GABRA1: variants seen among roughly 807,000 people sequenced by gnomAD.
GABRA1 encodes the protein gamma-aminobutyric acid type A receptor subunit alpha1, also known as gamma-aminobutyric acid receptor subunit alpha-1.
In GABRA1, 9 loss-of-function variants were observed where a neutral mutation model predicts 48.9. The observed-to-expected ratio is 0.18, with a 90% CI of 0.11 to 0.32. GABRA1 has a LOEUF of 0.32. Among genes scored for constraint, GABRA1 ranks in the 10% least tolerant of loss-of-function variants. GABRA1 has a pLI of 1.00. For missense variants in GABRA1, 285 were observed against 553.8 expected, an observed-to-expected ratio of 0.51 and a Z score of 4.87; for synonymous variants, 210 against 198.7, an observed-to-expected ratio of 1.06 and a Z score of -0.48.
At chr5:161,894,260 G>T (rs1755260344) in intron 8 of GABRA1, among the ~76,000 whole-genome samples, 1 of 152,114 alleles carries the variant, frequency 6.6e-6, no homozygotes, top group Non-Finnish European at 1.5e-5. Flanking sequence ...GTGATTTTAA[G>T]TCAATTTTCT....
intron 3 of GABRA1, among the ~76,000 whole-genome samples, chr5:161,858,076 C>A (rs144233388): frequency 2.0e-4 from 30 of 151,196 alleles, no homozygotes; most frequent in African/African-American, 6.8e-4. Flanking sequence ...AAGAGCAAAA[C>A]AGAGGAAATG....
chr5:161,860,156 C>T (rs922504466), intron 3 of GABRA1, among the ~76,000 whole-genome samples: 2 of 151,804 alleles, frequency 1.3e-5, no homozygotes, highest in Non-Finnish European at 2.9e-5. Context: ...CATTTACTGG[C>T]TGAGGTCTAC....
chr5:161,882,491 G>T, intron 6 of GABRA1, 67 bp from the exon 7 acceptor site: 2 of 1,426,152 alleles, frequency 1.4e-6, no homozygotes, highest in South Asian at 1.1e-5. Context: ...GCTGATGAAA[G>T]GTACCAACTA....
At chr5:161,850,754 T>C (rs760543537) in intron 1 of GABRA1, 42 bp from the exon 2 acceptor site, 2 of 1,534,416 alleles carry the variant, frequency 1.3e-6, no homozygotes, top group Non-Finnish European at 1.8e-6. Flanking sequence ...AACCTGATGT[T>C]TCTTGCTAGA....
Position 161,897,457 on chromosome 5 carries a change from C to T in GABRA1, c.*35C>T. On this transcript the variant is annotated 3_prime_UTR_variant, in exon 10 of 10. Transcript: ENST00000393943. The stretch of plus-strand genomic sequence containing the variant: ...TCACATTCTGTTGTTCAGTCCTCTG[C>T]ACTGGGAATTTATTTATGTTCTCAA... The T allele has an allele frequency of 6.4e-7, 1 of 1,550,842 alleles. No individual in the cohort carries two copies. The highest frequency in any genetic ancestry group is 1.7e-5 in the Admixed American group (1 of 59,950).
At position 161,890,882 on chromosome 5, in the gene GABRA1, G is replaced by A. The variant is rs768606121; in HGVS notation, c.704-16G>A. 1.2e-6 allele frequency: 2 copies of A among 1,612,066 alleles called. No individual in the cohort carries two copies. Among genetic ancestry groups the A allele is most frequent in the East Asian group, 2.2e-5 (1 of 44,804 alleles). On this transcript the variant is annotated splice_polypyrimidine_tract_variant and intron_variant, in intron 7 of 9. Coordinates refer to ENST00000393943, the MANE Select transcript of GABRA1 (RefSeq NM_001127644.2). The stretch of plus-strand genomic sequence containing the variant: ...AAGTCAAATTGCTCATCTTTCTTGT[G>A]TGTTTTACTTCTCAGGAGAATATGT...
chr5:161,897,236 A>G lies in GABRA1; in HGVS notation c.1185A>G (p.Ile395Met). The stretch of plus-strand genomic sequence containing the variant: ...CCACCATTGCTAAAAGTGCAACCAT[A>G]GAACCTAAAGAGGTCAAGCCCGAAA... ...GLATIAKSAT[I>M]EPKEVKPETK... Residue 395 changes from isoleucine (I) to methionine (M), a missense_variant, in exon 10 of 10, where the codon ATA (isoleucine) becomes ATG (methionine). Ile to Met is a conservative substitution (Grantham distance 10). Transcript: ENST00000393943. 2 of 1,614,204 alleles carry G rather than the reference A, an allele frequency of 1.2e-6. No individual in the cohort carries two copies. Among genetic ancestry groups the G allele is most frequent in the Non-Finnish European group, 1.7e-6 (2 of 1,180,020 alleles).
chr5:161,885,659 A>G (rs1754812426), intron 7 of GABRA1, among the ~76,000 whole-genome samples: 1 of 152,196 alleles, frequency 6.6e-6, no homozygotes, highest in Non-Finnish European at 1.5e-5. Flanking sequence ...TTCAGTACAC[A>G]TACATTAGAG....
At chr5:161,874,378 G>A (rs981938513) in intron 5 of GABRA1, among the ~76,000 whole-genome samples, 2 of 152,038 alleles carry the variant, frequency 1.3e-5, no homozygotes, top group African/African-American at 4.8e-5. Flanking sequence ...AGGACCAATG[G>A]ACACATGTGT....
At chr5:161,849,486 C>T (rs952585728) in intron 1 of GABRA1, among the ~76,000 whole-genome samples, 3 of 152,116 alleles carry the variant, frequency 2.0e-5, no homozygotes, top group African/African-American at 7.2e-5. Flanking sequence ...TATGACGAGG[C>T]TCAGAGTTCT....
chr5:161,875,443 C>A, intron 5 of GABRA1, 117 bp from the exon 6 acceptor site: 2 of 813,338 alleles, frequency 2.5e-6, no homozygotes, highest in Admixed American at 1.8e-5. Flanking sequence ...TCAGCATAAC[C>A]CTGCAATTAT....
At chr5:161,858,652 C>T (rs1173190592) in intron 3 of GABRA1, among the ~76,000 whole-genome samples, 1 of 151,724 alleles carries the variant, frequency 6.6e-6, no homozygotes, top group Non-Finnish European at 1.5e-5. Flanking sequence ...TCTATAAACA[C>T]ATTCATTTCA....
intron 1 of GABRA1, among the ~76,000 whole-genome samples, chr5:161,849,277 T>G (rs575932425): frequency 6.6e-6 from 1 of 152,312 alleles, no homozygotes; most frequent in South Asian, 2.1e-4. Context: ...TCAATCTTTT[T>G]AAAAAGATCA....
intron 5 of GABRA1, among the ~76,000 whole-genome samples, chr5:161,874,952 C>G (rs1045296956): frequency 1.3e-5 from 2 of 151,956 alleles, no homozygotes; most frequent in East Asian, 1.9e-4. Context: ...GAGAGAAGCA[C>G]AGCAGAGTCC....
intron 6 of GABRA1, among the ~76,000 whole-genome samples, chr5:161,879,541 C>T (rs1197832040): frequency 6.6e-6 from 1 of 152,116 alleles, no homozygotes; most frequent in Non-Finnish European, 1.5e-5. Flanking sequence ...TGTCTCTGGT[C>T]AAGTACATTT....
chr5:161,873,897 T>G (rs575348670), intron 5 of GABRA1, among the ~76,000 whole-genome samples: 1 of 152,308 alleles, frequency 6.6e-6, no homozygotes, highest in East Asian at 1.9e-4. Context: ...CTCTTTAAGA[T>G]TGCTGTAAAG....
chr5:161,870,935 C>CGAGTGTTG (rs531598742), intron 4 of GABRA1, among the ~76,000 whole-genome samples: 287 of 146,912 alleles, frequency 2.0e-3, no homozygotes, highest in African/African-American at 6.7e-3. Flanking sequence ...GATTAACCAG[C>CGAGTGTTG]GAGTGTTGCT....
intron 4 of GABRA1, among the ~76,000 whole-genome samples, chr5:161,872,624 C>T (rs1220555661): frequency 1.3e-5 from 2 of 152,108 alleles, no homozygotes; most frequent in Non-Finnish European, 2.9e-5. Flanking sequence ...GGAATTTTTA[C>T]ATCCATATTG....
In GABRA1 at chr5:161,897,717, G is replaced by GA. The variant is rs547262225; in HGVS notation, c.*304dup. 682 of 298,416 alleles carry GA rather than the reference G, an allele frequency of 2.3e-3. No homozygotes were observed. Among genetic ancestry groups the GA allele is most frequent in the Middle Eastern group, 3.9e-3 (4 of 1,018 alleles). The allele number at this position is 298,416 out of a possible 1,614,324, so 18.5% of individuals were successfully genotyped here. On this transcript the variant is annotated 3_prime_UTR_variant, in exon 10 of 10. Coordinates refer to ENST00000393943, the MANE Select transcript of GABRA1 (RefSeq NM_001127644.2). The stretch of plus-strand genomic sequence containing the variant: ...TGGTTCAAAGATACAAGAAAAAGTA[G>GA]AAAAAAAAATAACACTTAACTAAAA...
Sources: gnomAD v4.1 joint callset for allele counts (sites outside exome capture counted in the v4.1 genomes callset) on GRCh38, gnomAD v4.1.1 for gene constraint, MANE v1.5 for transcripts, NCBI Gene and HGNC (gene_info 2026-07-23, HGNC 2026-07-21) for gene names.